Variants in SETMAR observed in about 807,000 individuals in gnomAD.
The protein encoded by SETMAR is SET and mariner transposase domain methyltransferase, also known as histone-lysine N-methyltransferase SETMAR.
Under a neutral mutation model 58.4 loss-of-function variants are expected in SETMAR, and 44 were observed. That is an observed-to-expected ratio of 0.75 (90% confidence interval 0.59 to 0.97). The LOEUF (loss-of-function observed/expected upper bound fraction) is 0.97, where lower values mean the gene tolerates loss of function less well. Ranked by LOEUF, SETMAR falls within the 50% of genes least tolerant of loss-of-function variation. The pLI is 0.00. For missense variants in SETMAR, 903 were observed against 840.2 expected (o/e 1.07, Z -0.92); for synonymous variants, 332 against 307.4 (o/e 1.08, Z -0.84).
intron 1 of SETMAR, 131 bp from the exon 2 acceptor site, chr3:4,312,767 C>A: frequency 1.1e-6 from 1 of 925,292 alleles, no homozygotes; most frequent in South Asian, 2.1e-5. Context: ...TCTTAGTATG[C>A]TGTGTTTTGA....
chr3:4,309,409 A>G (rs888117617), intron 1 of SETMAR, among the ~76,000 whole-genome samples: 6 of 152,182 alleles, frequency 3.9e-5, no homozygotes, highest in African/African-American at 1.4e-4. Flanking sequence ...TTTGGTTAAC[A>G]GAGTACATTT....
intron 2 of SETMAR, among the ~76,000 whole-genome samples, chr3:4,315,166 C>A (rs1233651962): frequency 6.6e-6 from 1 of 152,200 alleles, no homozygotes; most frequent in Admixed American, 6.5e-5. Flanking sequence ...TTAATCATTT[C>A]TCCATGCCAA....
rs796857021 is a variant in SETMAR at position 4,317,218 on chromosome 3, T to G, written c.2027T>G (p.Val676Gly). Residue 676 changes from valine to glycine, a missense_variant, in exon 3 of 3, where the codon GTT becomes GGT. Physicochemically the swap from Val to Gly is moderately radical, Grantham distance 109 (BLOSUM62 -3). Transcript: ENST00000358065. The stretch of plus-strand genomic sequence containing the variant: ...CTTATTTCTCGTTGGCAAAAATGTG[T>G]TGATTGTAATGGTTCCTATTTTGAT... ...NQLISRWQKC[V>G]DCNGSYFD The G allele has an allele frequency of 6.5e-7, 1 of 1,545,672 alleles. No homozygotes were observed. Among genetic ancestry groups the G allele is most frequent in the Non-Finnish European group, 8.7e-7 (1 of 1,145,338 alleles).
At position 4,317,126 on chromosome 3, in the gene SETMAR, A is replaced by G; in HGVS notation, c.1935A>G (p.Ala645=). The change falls in exon 3 of 3, where the codon GCA becomes GCG. Residue 645 remains alanine (A), a synonymous_variant. Transcript: ENST00000358065. ...QGKRFHNQQD[A]ENAFQEFVES... ...AACGCTTCCACAACCAGCAGGATGCAGAAAATGCTTTCCAAGAGTTCGTCG... is the reference window on the plus strand; with the variant it reads ...AACGCTTCCACAACCAGCAGGATGCGGAAAATGCTTTCCAAGAGTTCGTCG... 1 of 1,545,270 alleles carries G rather than the reference A, an allele frequency of 6.5e-7. No homozygotes were observed. The highest frequency in any genetic ancestry group is 1.4e-5 in the African/African-American group (1 of 73,022).
At chr3:4,312,073 TATTTA>T (rs1698427594) in intron 1 of SETMAR, among the ~76,000 whole-genome samples, 1 of 152,214 alleles carries the variant, frequency 6.6e-6, no homozygotes, top group Non-Finnish European at 1.5e-5. Flanking sequence ...ATTCCTTTCT[TATTTA>T]ATTAGAATTT....
At chr3:4,303,712 A>G (rs1307792571) in intron 1 of SETMAR, 186 bp downstream of exon 1, 1 of 1,502,894 alleles carries the variant, frequency 6.7e-7, no homozygotes, top group African/African-American at 1.4e-5. Flanking sequence ...CCACGGCATC[A>G]CCTTAGCAAG....
chr3:4,307,159 T>C (rs1163938399), intron 1 of SETMAR, among the ~76,000 whole-genome samples: 1 of 152,218 alleles, frequency 6.6e-6, no homozygotes, highest in African/African-American at 2.4e-5. Context: ...TTCTTTATAA[T>C]TCAGAGGCCC....
At chr3:4,312,190 C>G (rs978870413) in intron 1 of SETMAR, among the ~76,000 whole-genome samples, 3 of 152,122 alleles carry the variant, frequency 2.0e-5, no homozygotes, top group Non-Finnish European at 2.9e-5. Flanking sequence ...TCATCTATGA[C>G]TTTCTTATCC....
chr3:4,312,776 G>C, intron 1 of SETMAR, 122 bp from the exon 2 acceptor site: 1 of 1,096,054 alleles, frequency 9.1e-7, no homozygotes, highest in Non-Finnish European at 1.3e-6. Flanking sequence ...GCTGTGTTTT[G>C]ACAGTTTTGT....
At chr3:4,314,203 C>G (rs1233673016) in intron 2 of SETMAR, 2 of 174,584 alleles carry the variant, frequency 1.1e-5, no homozygotes, top group African/African-American at 2.4e-5. Context: ...TGTAGAACAT[C>G]CTGTCAGTCG....
rs1698518491 is a variant in SETMAR, at chr3:4,313,681, A to C, written c.940A>C (p.Ser314Arg). 5 of 1,613,978 alleles carry C rather than the reference A, an allele frequency of 3.1e-6. No homozygotes were observed. The highest frequency in any genetic ancestry group is 3.4e-6 in the Non-Finnish European group (4 of 1,179,960). The change falls in exon 2 of 3, where the codon AGT (serine) becomes CGT (arginine). Residue 314 changes from serine to arginine, a missense_variant. Transcript: ENST00000358065. ...CTGCCCCGTAGAAAAGTCGAACATC[A>C]GTTGTGGAAATGAGAAGGAACCCAG... ...LYCPVEKSNI[S>R]CGNEKEPSMC...
At chr3:4,306,008 TCAA>T (rs1370407064) in intron 1 of SETMAR, among the ~76,000 whole-genome samples, 2 of 152,294 alleles carry the variant, frequency 1.3e-5, no homozygotes, top group South Asian at 2.1e-4. Flanking sequence ...CATTCTTAAT[TCAA>T]CAAATATTTA....
intron 2 of SETMAR, 152 bp downstream of exon 2, chr3:4,313,913 A>G (rs1698531015): frequency 5.1e-6 from 7 of 1,359,240 alleles, no homozygotes; most frequent in Non-Finnish European, 5.9e-6. Flanking sequence ...TTTCTGTAAT[A>G]GAATTCTCCA....
chr3:4,315,739 TATAAG>T (rs1469805946), intron 2 of SETMAR, among the ~76,000 whole-genome samples: 1 of 152,090 alleles, frequency 6.6e-6, no homozygotes, highest in East Asian at 1.9e-4. Flanking sequence ...TTTTATAAAT[TATAAG>T]ATTCAAATTT....
At chr3:4,309,260 G>C (rs777784790) in intron 1 of SETMAR, among the ~76,000 whole-genome samples, 2 of 152,138 alleles carry the variant, frequency 1.3e-5, no homozygotes, top group Admixed American at 1.3e-4. Context: ...AATTCCAAAA[G>C]GGAAGAGGGT....
intron 1 of SETMAR, among the ~76,000 whole-genome samples, chr3:4,306,929 T>C (rs1216807725): frequency 6.6e-6 from 1 of 152,264 alleles, no homozygotes; most frequent in Admixed American, 6.5e-5. Context: ...ATTGATTTTA[T>C]TGAGCTAACA....
rs561688547 is a variant in SETMAR, at chr3:4,309,695, A to G, written c.157-3203A>G. On this transcript the variant is annotated intron_variant, in intron 1 of 2. Transcript: ENST00000358065. ...TCAGTAGGCCTCATCTACGTGGCAG[A>G]ACTTGGAAATGCCAGGCAAACACTA... 7.2e-5 allele frequency among the ~76,000 whole-genome samples: 11 copies of G among 152,324 alleles called. No individual in the cohort carries two copies. In the South Asian group the frequency reaches 1.9e-3, roughly 26 times the overall value.
intron 2 of SETMAR, chr3:4,314,084 A>G: frequency 4.6e-6 from 2 of 435,422 alleles, no homozygotes; most frequent in Non-Finnish European, 8.2e-6. Context: ...GAATGTATAC[A>G]TGATGACTGG....
At chr3:4,312,186 A>G (rs965002204) in intron 1 of SETMAR, among the ~76,000 whole-genome samples, 2 of 152,160 alleles carry the variant, frequency 1.3e-5, no homozygotes, top group African/African-American at 4.8e-5. Context: ...CTTGTCATCT[A>G]TGACTTTCTT....
Sources: gnomAD v4.1 joint callset for allele counts (sites outside exome capture counted in the v4.1 genomes callset) on GRCh38, gnomAD v4.1.1 for gene constraint, MANE v1.5 for transcripts, NCBI Gene and HGNC (gene_info 2026-07-23, HGNC 2026-07-21) for gene names.